The following SHROOM3 variants were observed in gnomAD, a reference collection of about 807,000 sequenced individuals.
SHROOM3 encodes the protein protein Shroom3.
Under a neutral mutation model 138.6 loss-of-function variants are expected in SHROOM3, and 47 were observed. The ratio of observed to expected loss-of-function variants is 0.34; its 90% CI spans 0.27 to 0.43. The LOEUF (loss-of-function observed/expected upper bound fraction) is 0.43. Among genes scored for constraint, SHROOM3 ranks in the 20% least tolerant of loss-of-function variants. The pLI, the probability that SHROOM3 is intolerant of heterozygous loss-of-function variation, is 1.00. For synonymous variants in SHROOM3, 1,062 were observed against 1,063.3 expected, an observed-to-expected ratio of 1.00 and a Z score of 0.02; for missense variants, 2,491 against 2,596.5, an observed-to-expected ratio of 0.96 and a Z score of 0.88.
In SHROOM3 at chr4:76,741,917, C is replaced by A. The variant is rs771475337; in HGVS notation, c.3744C>A (p.Asp1248Glu). ...CCAGGTCATCTCCCGCCACCGCAGA[C>A]AAGCGCCAGGTACGTGCAACCAGCA... ...VRSRSSPATADKRQDVLLGQD... is the reference protein window; with the variant it reads ...VRSRSSPATAEKRQDVLLGQD... Residue 1248 changes from aspartate to glutamate, a missense_variant, in exon 5 of 11, where the codon GAC (aspartate) becomes GAA (glutamate). This residue lies in a region of SHROOM3 where 1,733 missense variants were observed against 1,661.6 expected (regional missense o/e 1.04). Coordinates refer to ENST00000296043, the MANE Select transcript of SHROOM3 (RefSeq NM_020859.4). This position sits in a 1 kb window ranked among gnomAD's most constrained non-coding sequence, Gnocchi z 6.2. 38 of 1,612,276 alleles carry A rather than the reference C, an allele frequency of 2.4e-5. 1 individual carries two copies. The Middle Eastern group carries it at 2.1e-3, about 91-fold the overall frequency.
chr4:76,457,986 G>T (rs1313774718), intron 1 of SHROOM3, among the ~76,000 whole-genome samples: 1 of 151,922 alleles, frequency 6.6e-6, no homozygotes, highest in Non-Finnish European at 1.5e-5. Context: ...AGTAGAGACA[G>T]GGTTTCATGT....
intron 1 of SHROOM3, among the ~76,000 whole-genome samples, chr4:76,502,907 C>A (rs1280425333): frequency 2.0e-5 from 3 of 152,164 alleles, no homozygotes; most frequent in Non-Finnish European, 1.5e-5. Flanking sequence ...TCTTTTCCAT[C>A]AGTTCACTGC....
intron 2 of SHROOM3, chr4:76,689,599 G>A (rs1322429985): frequency 3.4e-5 from 33 of 985,022 alleles, no homozygotes; most frequent in Non-Finnish European, 3.6e-5. Context: ...CCCCGCCGGC[G>A]ATGCCGCGCG....
chr4:76,581,502 A>G (rs1270973191), intron 2 of SHROOM3, among the ~76,000 whole-genome samples: 3 of 152,214 alleles, frequency 2.0e-5, no homozygotes, highest in South Asian at 2.1e-4. Flanking sequence ...CTTAACTGAC[A>G]TCTTTTATGA....
At chr4:76,692,104 A>G (rs546117775) in intron 2 of SHROOM3, among the ~76,000 whole-genome samples, 2 of 152,268 alleles carry the variant, frequency 1.3e-5, no homozygotes, top group East Asian at 3.9e-4. Flanking sequence ...AGAGGGGTTC[A>G]CTTTCTAGGG....
At chr4:76,550,091 TA>T (rs982511326) in intron 1 of SHROOM3, among the ~76,000 whole-genome samples, 1 of 150,672 alleles carries the variant, frequency 6.6e-6, no homozygotes, top group Non-Finnish European at 1.5e-5. Context: ...GTGTGCGTTT[TA>T]ATTTTTTTTT....
At chr4:76,478,670 T>G (rs1731540187) in intron 1 of SHROOM3, among the ~76,000 whole-genome samples, 1 of 152,172 alleles carries the variant, frequency 6.6e-6, no homozygotes, top group Admixed American at 6.5e-5. Context: ...ATGACCCCCT[T>G]GCCTCCTGAC....
chr4:76,730,783 G>C (rs1257568376), intron 3 of SHROOM3, 21 bp from the exon 4 acceptor site: 1 of 1,613,668 alleles, frequency 6.2e-7, no homozygotes, highest in South Asian at 1.1e-5. Context: ...ATGTTGGGGG[G>C]TCCCTCCTGT....
chr4:76,608,688 C>CAGCATAGCATAGCAT lies in SHROOM3; in HGVS notation c.323+52929_323+52930insTAGCATAGCATAGCA, dbSNP rs1560563427. 1.9e-4 allele frequency among the ~76,000 whole-genome samples: 5 copies of CAGCATAGCATAGCAT among 25,872 alleles called. 1 individual carries two copies. The highest frequency in any genetic ancestry group is 5.4e-4 in the African/African-American group (5 of 9,184). The allele number at this position is 25,872 out of a possible 152,430, so 17.0% of individuals were successfully genotyped here. A position where few individuals can be genotyped will look rare whatever the true frequency, so the allele number is the denominator to read the frequency against. ...TAGCACAGCATAGCACAGCACAGCACAGCACAGCACAGCACAGCACAGCAC... is the reference window on the plus strand; with the variant it reads ...TAGCACAGCATAGCACAGCACAGCACAGCATAGCATAGCATAGCACAGCACAGCACAGCACAGCAC... On this transcript the variant is annotated intron_variant, in intron 2 of 10. Transcript: ENST00000296043.
intron 1 of SHROOM3, among the ~76,000 whole-genome samples, chr4:76,440,387 C>CA (rs1322466138): frequency 6.6e-6 from 1 of 152,180 alleles, no homozygotes; most frequent in East Asian, 1.9e-4. Context: ...CACCCTATGC[C>CA]ATTCAGTCTC....
In SHROOM3 at chr4:76,720,237, C is replaced by A. The variant is rs1720501161; in HGVS notation, c.455+9950C>A. On this transcript the variant is annotated intron_variant, in intron 3 of 10. Coordinates refer to ENST00000296043, the MANE Select transcript of SHROOM3 (RefSeq NM_020859.4). The stretch of plus-strand genomic sequence containing the variant: ...AGGAGCCTGGAAGTAGTTATAGAAA[C>A]AAGGAGTTGGCCGGGTGCAGTGGTT... Among the ~76,000 whole-genome samples the A allele has an allele frequency of 2.6e-5, 3 of 116,140 alleles. No individual in the cohort carries two copies. In the South Asian group the frequency reaches 9.0e-4, roughly 35 times the overall value. The allele number at this position is 116,140 out of a possible 152,430, so 76.2% of individuals were successfully genotyped here.
rs1419478187 is a variant in SHROOM3 at position 76,783,211 on chromosome 4, T to C, written c.*4034T>C. 10 of 152,200 alleles carry C rather than the reference T, an allele frequency of 6.6e-5. No homozygotes were observed. Among genetic ancestry groups the C allele is most frequent in the Non-Finnish European group, 1.2e-4 (8 of 68,038 alleles). The allele number at this position is 152,200 out of a possible 1,614,324, so 9.4% of individuals were successfully genotyped here. ...TTTTTAAAATTTAAATAAACAGAAATTGAAGTTAAATTTAAAAATAAAAAT... is the reference window on the plus strand; with the variant it reads ...TTTTTAAAATTTAAATAAACAGAAACTGAAGTTAAATTTAAAAATAAAAAT... On this transcript the variant is annotated 3_prime_UTR_variant, in exon 11 of 11. Transcript: ENST00000296043.
chr4:76,578,478 A>G (rs1733981862), intron 2 of SHROOM3, among the ~76,000 whole-genome samples: 1 of 152,218 alleles, frequency 6.6e-6, no homozygotes, highest in Non-Finnish European at 1.5e-5. Flanking sequence ...TGTGAACTGC[A>G]TGGGGTTGTT....
chr4:76,529,131 C>T (rs569868403), intron 1 of SHROOM3, among the ~76,000 whole-genome samples: 7 of 152,000 alleles, frequency 4.6e-5, no homozygotes, highest in Non-Finnish European at 7.4e-5. Flanking sequence ...GGAAGGATGT[C>T]GGGGAAACCA....
chr4:76,681,315 CAT>C (rs1719184136), intron 2 of SHROOM3, among the ~76,000 whole-genome samples: 1 of 152,198 alleles, frequency 6.6e-6, no homozygotes, highest in Non-Finnish European at 1.5e-5. Flanking sequence ...GCTACCAACA[CAT>C]AGAACTATTT....
chr4:76,537,536 C>G (rs942742260), intron 1 of SHROOM3, among the ~76,000 whole-genome samples: 2 of 152,146 alleles, frequency 1.3e-5, no homozygotes, highest in Non-Finnish European at 1.5e-5. Context: ...AGAACAGGGA[C>G]ACCAGTTAGG....
At chr4:76,737,444 AG>A (rs1721106320) in intron 4 of SHROOM3, among the ~76,000 whole-genome samples, 1 of 152,172 alleles carries the variant, frequency 6.6e-6, no homozygotes, top group East Asian at 1.9e-4. Context: ...GATAAATGCC[AG>A]GGAATGTGAT....
At chr4:76,528,937 T>TG (rs1234273848) in intron 1 of SHROOM3, among the ~76,000 whole-genome samples, 2 of 152,178 alleles carry the variant, frequency 1.3e-5, no homozygotes, top group African/African-American at 4.8e-5. Context: ...CATTAATGGG[T>TG]GGGCAACTGT....
chr4:76,720,337 G>T (rs562207941), intron 3 of SHROOM3, among the ~76,000 whole-genome samples: 2 of 151,876 alleles, frequency 1.3e-5, no homozygotes, highest in South Asian at 4.2e-4. Flanking sequence ...AAAGATTCTT[G>T]TTTGTTTCAA....
Sources: gnomAD v4.1 joint callset for allele counts (sites outside exome capture counted in the v4.1 genomes callset) on GRCh38, gnomAD v4.1.1 for gene constraint, gnomAD v4.1.1 regional missense constraint, Gnocchi (gnomAD v3.1) non-coding constraint, MANE v1.5 for transcripts, NCBI Gene and HGNC (gene_info 2026-07-23, HGNC 2026-07-21) for gene names.